The following GJA5 variants were observed in gnomAD, a reference collection of about 807,000 sequenced individuals.
GJA5 encodes the protein gap junction protein alpha 5, also known as gap junction alpha-5 protein.
In GJA5, 3 loss-of-function variants were observed where a neutral mutation model predicts 7.9. The ratio of observed to expected loss-of-function variants is 0.38; its 90% confidence interval spans 0.17 to 0.99. The LOEUF (loss-of-function observed/expected upper bound fraction) is 0.99. Among genes scored for constraint, GJA5 ranks in the 50% least tolerant of loss-of-function variants. The probability of loss-of-function intolerance (pLI) is 0.38; values close to 1 mark genes in which losing one functional copy is unlikely to be tolerated. For missense variants in GJA5, 390 were observed against 457.9 expected (o/e 0.85, Z 1.35); for synonymous variants, 193 against 181.0 (o/e 1.07, Z -0.53).
chr1:147,766,458 G>A (rs1285532732), intron 1 of GJA5, among the ~76,000 whole-genome samples: 5 of 152,118 alleles, frequency 3.3e-5, no homozygotes, highest in Non-Finnish European at 7.4e-5. Context: ...CATGTCAGTG[G>A]AGGGGCCTGC....
At chr1:147,769,054 T>C (rs774371123) in intron 1 of GJA5, among the ~76,000 whole-genome samples, 15 of 152,250 alleles carry the variant, frequency 9.9e-5, no homozygotes, top group Non-Finnish European at 2.1e-4. Flanking sequence ...CCTTTTAGCT[T>C]CTGCCTTACT....
upstream of GJA5, among the ~76,000 whole-genome samples, chr1:147,764,753 G>A (rs587674362): frequency 2.6e-5 from 4 of 151,462 alleles, no homozygotes; most frequent in South Asian, 4.2e-4. Context: ...GAATCCGGGC[G>A]GTGGAGGTTG....
In GJA5 at chr1:147,758,318, A is replaced by G; in HGVS notation, c.921T>C (p.Thr307=). Reference sequence around the variant, plus strand: ...GAACCTGGATGAAACCTTCCCCAGGAGTCTGCTCCTGACCTCGTACTTGCT... The same window carrying G: ...GAACCTGGATGAAACCTTCCCCAGGGGTCTGCTCCTGACCTCGTACTTGCT... ...VTEQVRGQEQ[T]PGEGFIQVRY... is the part of the protein sequence containing the mutation. Residue 307 remains threonine, a synonymous_variant, in exon 2 of 2, where the codon ACT becomes ACC. Transcript: ENST00000579774. 4 of 1,614,144 alleles carry G rather than the reference A, an allele frequency of 2.5e-6. No homozygotes were observed. The highest frequency in any genetic ancestry group is 3.4e-6 in the Non-Finnish European group (4 of 1,180,016).
chr1:147,770,412 A>G (rs1019504324), intron 1 of GJA5, among the ~76,000 whole-genome samples: 3 of 152,122 alleles, frequency 2.0e-5, no homozygotes, highest in Non-Finnish European at 4.4e-5. Flanking sequence ...CTTCTAGCTT[A>G]GAGGACAGCA....
At chr1:147,766,438 G>A (rs587747215) in intron 1 of GJA5, among the ~76,000 whole-genome samples, 1 of 152,268 alleles carries the variant, frequency 6.6e-6, no homozygotes, top group African/African-American at 2.4e-5. Flanking sequence ...AACACGTTGG[G>A]GCCATGCTGC....
At position 147,758,965 on chromosome 1, in the gene GJA5, A is replaced by G; in HGVS notation, c.274T>C (p.Tyr92His). 1 of 1,614,216 alleles carries G rather than the reference A, an allele frequency of 6.2e-7. No individual in the cohort carries two copies. The highest frequency in any genetic ancestry group is 8.5e-7 in the Non-Finnish European group (1 of 1,180,038). Residue 92 changes from tyrosine to histidine, a missense_variant, in exon 2 of 2, where the codon TAC (tyrosine) becomes CAC (histidine). Transcript: ENST00000579774. ...ACAGTGTGCATGGCGTGGCCCATGT[A>G]CACCAGAGAGGGCGTGGAGACGAAG... ...IIFVSTPSLV[Y>H]MGHAMHTVRM...
At chr1:147,761,384 C>T (rs1280264268), upstream of GJA5, among the ~76,000 whole-genome samples, 6 of 152,166 alleles carry the variant, frequency 3.9e-5, no homozygotes, top group Non-Finnish European at 8.8e-5. Flanking sequence ...TGGTGCATTT[C>T]ATAGTCCAGG....
upstream of GJA5, among the ~76,000 whole-genome samples, chr1:147,763,152 T>C (rs1557946518): frequency 6.6e-6 from 1 of 152,226 alleles, no homozygotes; most frequent in South Asian, 2.1e-4. Context: ...CACCCATTTA[T>C]CTTGGCTTCT....
At chr1:147,768,103 G>C (rs1360242868) in intron 1 of GJA5, among the ~76,000 whole-genome samples, 1 of 152,170 alleles carries the variant, frequency 6.6e-6, no homozygotes, top group Non-Finnish European at 1.5e-5. Flanking sequence ...TCCACTGAGG[G>C]CCAGCATCCC....
At chr1:147,771,693 G>T (rs868910441) in intron 1 of GJA5, among the ~76,000 whole-genome samples, 1 of 152,308 alleles carries the variant, frequency 6.6e-6, no homozygotes, top group Middle Eastern at 3.4e-3. Flanking sequence ...CACATGTGTG[G>T]GTGAAGGATG....
intron 1 of GJA5, among the ~76,000 whole-genome samples, chr1:147,766,102 G>A (rs2148963134): frequency 6.6e-6 from 1 of 152,190 alleles, no homozygotes; most frequent in South Asian, 2.1e-4. Context: ...TGGGCCTTGG[G>A]CTGAACTGTA....
chr1:147,766,374 C>T (rs1664202721), intron 1 of GJA5, among the ~76,000 whole-genome samples: 1 of 152,104 alleles, frequency 6.6e-6, no homozygotes, highest in Admixed American at 6.6e-5. Flanking sequence ...TTGATCAAGG[C>T]AATTATTTAC....
chr1:147,769,938 C>T (rs1318129865), intron 1 of GJA5, among the ~76,000 whole-genome samples: 2 of 151,712 alleles, frequency 1.3e-5, no homozygotes, highest in African/African-American at 4.8e-5. Flanking sequence ...TCATGGGATG[C>T]CTCTCTTCTG....
Position 147,757,987 on chromosome 1 carries a change from T to C in GJA5, c.*175A>G. 2 of 624,558 alleles carry C rather than the reference T, an allele frequency of 3.2e-6. No individual in the cohort carries two copies. Among genetic ancestry groups the C allele is most frequent in the Non-Finnish European group, 5.7e-6 (2 of 351,936 alleles). 38.7% of individuals were successfully genotyped at this position (624,558 alleles called of 1,614,324 possible). On this transcript the variant is annotated 3_prime_UTR_variant, in exon 2 of 2. Coordinates refer to ENST00000579774, the MANE Select transcript of GJA5 (RefSeq NM_181703.4). ...CTGGGTGGGTTGTCACCTCTCTTAC[T>C]ATCCCAGAGCCCTGGTTATAGTTTC...
In GJA5 at chr1:147,759,141, C is replaced by G. The variant is rs1311922669; in HGVS notation, c.98G>C (p.Arg33Pro). ...AGCAGCTGTGCCCAGCACGAGCATA[C>G]GGAATATGAAGAGGACAGTGAGCCA... is the stretch of plus-strand genomic sequence containing the variant. ...KVWLTVLFIF[R>P]MLVLGTAAES... Residue 33 changes from arginine to proline, a missense_variant, in exon 2 of 2, where the codon CGT becomes CCT. This residue lies in a region of GJA5 where 36 missense variants were observed against 87.1 expected (regional missense o/e 0.41). Coordinates refer to ENST00000579774, the MANE Select transcript of GJA5 (RefSeq NM_181703.4). 1 of 1,612,882 alleles carries G rather than the reference C, an allele frequency of 6.2e-7. No homozygotes were observed. Among genetic ancestry groups the G allele is most frequent in the Non-Finnish European group, 8.5e-7 (1 of 1,179,174 alleles).
At chr1:147,767,394 T>C (rs587706944) in intron 1 of GJA5, among the ~76,000 whole-genome samples, 1 of 151,848 alleles carries the variant, frequency 6.6e-6, no homozygotes, top group Admixed American at 6.5e-5. Context: ...CTATTCTTTT[T>C]TTTTTTTTCT....
Position 147,758,938 on chromosome 1 carries a change from G to T in GJA5, c.301C>A (p.Arg101Ser). ...CGTAGCTTGCGCTTCTCCTGCATGC[G>T]CACAGTGTGCATGGCGTGGCCCATG... ...VYMGHAMHTV[R>S]MQEKRKLREA... The change falls in exon 2 of 2, where the codon CGC (arginine) becomes AGC (serine). Residue 101 changes from arginine to serine, a missense_variant. By Grantham distance (110) the Arg-to-Ser change is moderately radical (BLOSUM62 -1). This residue lies in a region of GJA5 where 354 missense variants were observed against 370.9 expected (regional missense o/e 0.95). Transcript: ENST00000579774. 6.2e-7 allele frequency: 1 copy of T among 1,614,208 alleles called. No homozygotes were observed. The highest frequency in any genetic ancestry group is 8.5e-7 in the Non-Finnish European group (1 of 1,180,018).
intron 1 of GJA5, among the ~76,000 whole-genome samples, chr1:147,768,942 T>C (rs1553228622): frequency 6.6e-6 from 1 of 152,242 alleles, no homozygotes; most frequent in Non-Finnish European, 1.5e-5. Context: ...GACTGATAGA[T>C]GATGATAAGC....
chr1:147,758,319 G>T lies in GJA5; in HGVS notation c.920C>A (p.Thr307Asn). ...VTEQVRGQEQ[T>N]PGEGFIQVRY... is the part of the protein sequence containing the mutation. ...AACCTGGATGAAACCTTCCCCAGGA[G>T]TCTGCTCCTGACCTCGTACTTGCTC... is the stretch of plus-strand genomic sequence containing the variant. Residue 307 changes from threonine (T) to asparagine (N), a missense_variant, in exon 2 of 2, where the codon ACT becomes AAT. Around this residue, in one of 2 missense-constraint regions of GJA5, gnomAD observed 354 missense variants for 370.9 expected, o/e 0.95. Coordinates refer to ENST00000579774, the MANE Select transcript of GJA5 (RefSeq NM_181703.4). 1 of 1,614,192 alleles carries T rather than the reference G, an allele frequency of 6.2e-7. No homozygotes were observed. Among genetic ancestry groups the T allele is most frequent in the Non-Finnish European group, 8.5e-7 (1 of 1,180,022 alleles).
Sources: allele counts gnomAD v4.1 joint callset (sites outside exome capture counted in the v4.1 genomes callset), GRCh38; gene constraint gnomAD v4.1.1; regional missense constraint gnomAD v4.1.1; transcripts MANE v1.5; gene names NCBI Gene and HGNC (gene_info 2026-07-23, HGNC 2026-07-21).